FHIT: variants seen among roughly 807,000 people sequenced by gnomAD.
The protein encoded by FHIT is bis(5'-adenosyl)-triphosphatase.
A neutral mutation model predicts 17.9 loss-of-function variants in FHIT; 19 were observed. The observed-to-expected ratio is 1.06, with a 90% CI of 0.74 to 1.56. The LOEUF is 1.56. Among genes scored for constraint, FHIT ranks in the 40% most tolerant of loss-of-function variants. The pLI, the probability that FHIT is intolerant of heterozygous loss-of-function variation, is 0.00. For missense variants in FHIT, 248 were observed against 189.2 expected, an observed-to-expected ratio of 1.31 and a Z score of -1.82; for synonymous variants, 81 against 69.7, an observed-to-expected ratio of 1.16 and a Z score of -0.81.
chr3:60,296,464 G>A (rs949897326), intron 5 of FHIT, among the ~76,000 whole-genome samples: 3 of 152,046 alleles, frequency 2.0e-5, no homozygotes, highest in Non-Finnish European at 2.9e-5. Context: ...TCAGTTAAAT[G>A]GCTGTCCATG....
intron 4 of FHIT, among the ~76,000 whole-genome samples, chr3:60,730,916 A>G (rs942932491): frequency 6.6e-6 from 1 of 150,750 alleles, no homozygotes; most frequent in South Asian, 2.1e-4. Flanking sequence ...GGAGATAGAG[A>G]CCATCCAGGC....
At chr3:61,074,484 C>T (rs1165977019) in intron 2 of FHIT, among the ~76,000 whole-genome samples, 1 of 152,126 alleles carries the variant, frequency 6.6e-6, no homozygotes, top group Non-Finnish European at 1.5e-5. Context: ...TGTGTTTTAA[C>T]ATTTTAAAAT....
intron 3 of FHIT, among the ~76,000 whole-genome samples, chr3:60,876,065 C>G (rs1224580654): frequency 6.6e-6 from 1 of 151,830 alleles, no homozygotes; most frequent in Non-Finnish European, 1.5e-5. Flanking sequence ...AAATTTTTGA[C>G]TTCATAACTT....
chr3:60,261,392 CGG>C (rs1706292863), intron 5 of FHIT, among the ~76,000 whole-genome samples: 3 of 151,898 alleles, frequency 2.0e-5, no homozygotes, highest in South Asian at 4.2e-4. Flanking sequence ...ATTTCAGAGA[CGG>C]TGAGTATTAG....
intron 3 of FHIT, among the ~76,000 whole-genome samples, chr3:60,995,422 C>T (rs1298234494): frequency 2.6e-5 from 4 of 152,130 alleles, no homozygotes; most frequent in Non-Finnish European, 5.9e-5. Context: ...TAACGGGGAT[C>T]TCAGATGAAA....
At chr3:61,228,451 C>T (rs1291716670) in intron 1 of FHIT, among the ~76,000 whole-genome samples, 1 of 152,254 alleles carries the variant, frequency 6.6e-6, no homozygotes, top group Admixed American at 6.5e-5. Context: ...ATTTACTACT[C>T]TTTATCCAAT....
chr3:60,989,789 C>T (rs1006342007), intron 3 of FHIT, among the ~76,000 whole-genome samples: 2 of 152,146 alleles, frequency 1.3e-5, no homozygotes, highest in Non-Finnish European at 2.9e-5. Flanking sequence ...AATGCATTAT[C>T]CCTGGGCAGT....
intron 2 of FHIT, among the ~76,000 whole-genome samples, chr3:61,187,217 G>A (rs62268814): frequency 0.044 from 6,689 of 152,120 alleles, 235 homozygotes; most frequent in Non-Finnish European, 0.066. Context: ...TCTTGATAAG[G>A]AACTAAGGAA....
chr3:60,309,235 G>A (rs1237791790), intron 5 of FHIT, among the ~76,000 whole-genome samples: 1 of 151,982 alleles, frequency 6.6e-6, no homozygotes, highest in Non-Finnish European at 1.5e-5. Flanking sequence ...GTTTGGGAGA[G>A]GGGAAAATCC....
At chr3:60,060,017 G>A (rs758197066) in intron 5 of FHIT, among the ~76,000 whole-genome samples, 3 of 151,758 alleles carry the variant, frequency 2.0e-5, no homozygotes, top group Non-Finnish European at 4.4e-5. Flanking sequence ...CTTTTGCTTT[G>A]ATAAACAACA....
intron 5 of FHIT, among the ~76,000 whole-genome samples, chr3:60,465,343 A>G (rs1282974494): frequency 6.6e-6 from 1 of 151,894 alleles, no homozygotes; most frequent in Non-Finnish European, 1.5e-5. Context: ...ATTGCTTTCA[A>G]ATTTGCTCTT....
rs145351258 is a variant in FHIT at position 60,534,137 on chromosome 3, C to T, written c.103+2723G>A. Among the ~76,000 whole-genome samples, 32 of 152,266 alleles carry T rather than the reference C, an allele frequency of 2.1e-4. No homozygotes were observed. In the East Asian group the frequency reaches 4.8e-3, roughly 23 times the overall value. On this transcript the variant is annotated intron_variant, in intron 5 of 9. Coordinates refer to ENST00000492590, the MANE Select transcript of FHIT (RefSeq NM_002012.4). The stretch of plus-strand genomic sequence containing the variant: ...AGCAAAGGAGTACCTTATTAAGATG[C>T]GTCTCCCAGGCCGGGCGCGGTGGCT...
At chr3:60,449,523 C>T (rs879673414) in intron 5 of FHIT, among the ~76,000 whole-genome samples, 9 of 151,872 alleles carry the variant, frequency 5.9e-5, no homozygotes, top group Non-Finnish European at 7.4e-5. Flanking sequence ...ATTGTGCCAA[C>T]ATCACAAACT....
At chr3:60,314,785 C>T (rs1709094876) in intron 5 of FHIT, among the ~76,000 whole-genome samples, 1 of 152,108 alleles carries the variant, frequency 6.6e-6, no homozygotes, top group Non-Finnish European at 1.5e-5. Context: ...AGTATTTTCA[C>T]TAAGAGAATT....
intron 5 of FHIT, among the ~76,000 whole-genome samples, chr3:60,349,149 A>T (rs1021867519): frequency 1.3e-5 from 2 of 152,216 alleles, no homozygotes; most frequent in Non-Finnish European, 2.9e-5. Context: ...TAAAGTAACT[A>T]ATAAAAAATT....
At chr3:61,241,556 T>C (rs1266105123) in intron 1 of FHIT, among the ~76,000 whole-genome samples, 1 of 152,226 alleles carries the variant, frequency 6.6e-6, no homozygotes, top group Admixed American at 6.5e-5. Flanking sequence ...CTGGTCTAAC[T>C]AAAATATTCA....
chr3:60,351,133 G>A lies in FHIT; in HGVS notation c.103+185727C>T, dbSNP rs533892103. ...TGAACTTCTGACTCACATGAACTAT[G>A]AGATAATAAAGGTGTGTTATCTTAG... On this transcript the variant is annotated intron_variant, in intron 5 of 9. Transcript: ENST00000492590. Among the ~76,000 whole-genome samples, 22 of 152,276 alleles carry A rather than the reference G, an allele frequency of 1.4e-4. No individual in the cohort carries two copies. The South Asian group carries it at 3.7e-3, about 26-fold the overall frequency.
chr3:59,879,836 C>T (rs770658881), intron 8 of FHIT, among the ~76,000 whole-genome samples: 5 of 152,076 alleles, frequency 3.3e-5, no homozygotes, highest in Non-Finnish European at 5.9e-5. Context: ...AACTCTCCTC[C>T]AATACTTTTA....
chr3:60,559,249 GAC>G (rs2107639912), intron 4 of FHIT, among the ~76,000 whole-genome samples: 1 of 152,180 alleles, frequency 6.6e-6, no homozygotes, highest in South Asian at 2.1e-4. Flanking sequence ...TAAATAAGGA[GAC>G]AATTAAAATT....
Sources: allele counts gnomAD v4.1 joint callset (sites outside exome capture counted in the v4.1 genomes callset), GRCh38; gene constraint gnomAD v4.1.1; transcripts MANE v1.5; gene names NCBI Gene and HGNC (gene_info 2026-07-23, HGNC 2026-07-21).